The following CUL3 variants were observed in gnomAD, a reference collection of about 807,000 sequenced individuals.
The protein encoded by CUL3 is cullin-3.
A neutral mutation model predicts 89.1 loss-of-function variants in CUL3; 19 were observed. The ratio of observed to expected loss-of-function variants is 0.21; its 90% CI spans 0.15 to 0.31. CUL3 has a LOEUF of 0.31. Ranked by LOEUF, CUL3 falls within the 10% of genes least tolerant of loss-of-function variation. CUL3 has a pLI of 1.00. For synonymous variants in CUL3, 351 were observed against 308.4 expected, an observed-to-expected ratio of 1.14 and a Z score of -1.45; for missense variants, 469 against 942.3, an observed-to-expected ratio of 0.50 and a Z score of 6.58.
intron 1 of CUL3, among the ~76,000 whole-genome samples, chr2:224,577,845 C>A (rs1003776190): frequency 1.3e-5 from 2 of 152,130 alleles, no homozygotes; most frequent in Non-Finnish European, 2.9e-5. Context: ...TACTGCTACA[C>A]AGAAGTTAAA....
intron 15 of CUL3, chr2:224,474,614 T>C (rs1691250404): frequency 7.0e-6 from 3 of 430,310 alleles, no homozygotes; most frequent in Admixed American, 7.3e-5. Flanking sequence ...ATTGAATTAG[T>C]TGGAATTACA....
At chr2:224,500,748 C>T (rs1011681562) in intron 10 of CUL3, among the ~76,000 whole-genome samples, 29 of 151,362 alleles carry the variant, frequency 1.9e-4, no homozygotes, top group Admixed American at 5.3e-4. Flanking sequence ...GCCTCAGCTT[C>T]CCGAGTAGCT....
intron 2 of CUL3, among the ~76,000 whole-genome samples, chr2:224,544,350 T>G (rs1478927583): frequency 2.6e-5 from 4 of 152,214 alleles, no homozygotes; most frequent in Non-Finnish European, 5.9e-5. Flanking sequence ...GTTGCCTGTT[T>G]CATCTGTTAA....
chr2:224,565,639 ATG>A (rs749834614), intron 1 of CUL3, among the ~76,000 whole-genome samples: 1 of 152,170 alleles, frequency 6.6e-6, no homozygotes, highest in Non-Finnish European at 1.5e-5. Flanking sequence ...AGATTCTCTA[ATG>A]TCAACTTGGT....
intron 1 of CUL3, among the ~76,000 whole-genome samples, chr2:224,580,989 C>T (rs941370264): frequency 6.6e-6 from 1 of 151,774 alleles, no homozygotes; most frequent in Admixed American, 6.6e-5. Flanking sequence ...AAGATGAATA[C>T]ATTGTGGAGA....
chr2:224,551,204 AATT>A (rs1357242347), intron 2 of CUL3, among the ~76,000 whole-genome samples: 8 of 146,678 alleles, frequency 5.5e-5, no homozygotes, highest in Non-Finnish European at 1.2e-4. Context: ...CAAGCCCGGC[AATT>A]TTTTTTTTTT....
intron 1 of CUL3, among the ~76,000 whole-genome samples, chr2:224,572,228 A>G (rs1695196545): frequency 6.6e-6 from 1 of 152,192 alleles, no homozygotes; most frequent in Non-Finnish European, 1.5e-5. Context: ...CACTTTCTCT[A>G]GACCCCTGTT....
rs1692820626 is a variant in CUL3, at chr2:224,511,381, G to A, written c.856C>T (p.His286Tyr). 1 of 1,611,322 alleles carries A rather than the reference G, an allele frequency of 6.2e-7. No individual in the cohort carries two copies. The highest frequency in any genetic ancestry group is 1.1e-5 in the South Asian group (1 of 90,744). ...IVEMENSGLVHMLKNGKTEDL... is the reference protein window; with the variant it reads ...IVEMENSGLVYMLKNGKTEDL... ...TCTGTCTTTCCATTTTTCAACATAT[G>A]TACTAGCCCAGAATTCTCCATTTCT... The change falls in exon 6 of 16, where the codon CAT (histidine) becomes TAT (tyrosine). Residue 286 changes from histidine (H) to tyrosine (Y), a missense_variant. Transcript: ENST00000264414.
intron 3 of CUL3, among the ~76,000 whole-genome samples, chr2:224,516,238 ACTT>A (rs888827031): frequency 7.9e-5 from 12 of 151,924 alleles, no homozygotes; most frequent in African/African-American, 2.9e-4. Context: ...ATGACTTTGA[ACTT>A]CTTGGACTTC....
intron 3 of CUL3, among the ~76,000 whole-genome samples, chr2:224,528,766 G>A (rs1013439341): frequency 6.6e-6 from 1 of 151,920 alleles, no homozygotes; most frequent in Non-Finnish European, 1.5e-5. Flanking sequence ...CTCCTTTCTT[G>A]GGTTACTCTC....
intron 5 of CUL3, among the ~76,000 whole-genome samples, chr2:224,513,162 T>C (rs764806928): frequency 3.9e-5 from 6 of 152,216 alleles, no homozygotes; most frequent in African/African-American, 7.2e-5. Flanking sequence ...CAACTGTTTA[T>C]GTTATCTGTA....
intron 1 of CUL3, among the ~76,000 whole-genome samples, chr2:224,580,830 A>T (rs750369565): frequency 1.4e-4 from 22 of 152,084 alleles, no homozygotes; most frequent in African/African-American, 5.3e-4. Flanking sequence ...ACACAATTCT[A>T]TATTTTTTTA....
At chr2:224,564,172 G>T (rs1694983098) in intron 1 of CUL3, among the ~76,000 whole-genome samples, 1 of 152,164 alleles carries the variant, frequency 6.6e-6, no homozygotes, top group Non-Finnish European at 1.5e-5. Flanking sequence ...TGTAATCTCA[G>T]CTACTTGGGA....
intron 12 of CUL3, among the ~76,000 whole-genome samples, chr2:224,496,265 C>T (rs1374547485): frequency 2.0e-5 from 3 of 152,252 alleles, no homozygotes; most frequent in Non-Finnish European, 2.9e-5. Flanking sequence ...TAATGGGCTC[C>T]AGTGATTTGC....
intron 1 of CUL3, among the ~76,000 whole-genome samples, chr2:224,575,459 A>G (rs529011895): frequency 6.6e-6 from 1 of 152,286 alleles, no homozygotes; most frequent in Admixed American, 6.5e-5. Flanking sequence ...GTAGTAAGAA[A>G]GGGGCAACTG....
chr2:224,533,339 C>G (rs1693761205), intron 3 of CUL3, among the ~76,000 whole-genome samples: 1 of 152,146 alleles, frequency 6.6e-6, no homozygotes, highest in South Asian at 2.1e-4. Context: ...TCCACTGAAG[C>G]CTCATGACTA....
At chr2:224,535,467 GCC>G in intron 3 of CUL3, 59 bp downstream of exon 3, 1 of 1,131,254 alleles carries the variant, frequency 8.8e-7, no homozygotes, top group South Asian at 1.6e-5. Context: ...ACCGTGCCCA[GCC>G]TTCAACTTCA....
intron 2 of CUL3, among the ~76,000 whole-genome samples, chr2:224,546,181 T>C (rs967604229): frequency 1.1e-4 from 17 of 152,196 alleles, no homozygotes; most frequent in African/African-American, 4.1e-4. Context: ...ATTATAGCAT[T>C]AGTATCATGG....
At position 224,484,733 on chromosome 2, in the gene CUL3, T is replaced by C. The variant is rs577634146; in HGVS notation, c.1843-2655A>G. Among the ~76,000 whole-genome samples the C allele has an allele frequency of 1.5e-4, 23 of 152,342 alleles. No individual in the cohort carries two copies. In the South Asian group the frequency reaches 4.6e-3, roughly 30 times the overall value. The stretch of plus-strand genomic sequence containing the variant: ...ATTTTCACATTTATCTGGAATTTTA[T>C]ATTTGATGTGATCCATGGAATTGAG... On this transcript the variant is annotated intron_variant, in intron 13 of 15. Transcript: ENST00000264414.
Sources: gnomAD v4.1 joint callset for allele counts (sites outside exome capture counted in the v4.1 genomes callset) on GRCh38, gnomAD v4.1.1 for gene constraint, MANE v1.5 for transcripts, NCBI Gene and HGNC (gene_info 2026-07-23, HGNC 2026-07-21) for gene names.